Variants in RALGAPA2 observed in about 807,000 individuals in gnomAD.
RALGAPA2 encodes Ral GTPase activating protein catalytic subunit alpha 2.
A neutral mutation model predicts 230.4 loss-of-function variants in RALGAPA2; 139 were observed. The ratio of observed to expected loss-of-function variants is 0.60; its 90% CI spans 0.53 to 0.69. The LOEUF is 0.69. RALGAPA2 is among the 30% of genes least tolerant of loss of function. RALGAPA2 has a pLI of 0.00. For missense variants in RALGAPA2, 2,163 were observed against 2,276.0 expected (o/e 0.95, Z 1.01); for synonymous variants, 847 against 837.8 (o/e 1.01, Z -0.19).
intron 37 of RALGAPA2, among the ~76,000 whole-genome samples, chr20:20,429,404 C>T (rs1047701243): frequency 6.6e-6 from 1 of 152,128 alleles, no homozygotes; most frequent in African/African-American, 2.4e-5. Flanking sequence ...CCCCCAGAAC[C>T]AAGAGTAGCA....
At chr20:20,551,586 T>A (rs1485408192) in intron 23 of RALGAPA2, among the ~76,000 whole-genome samples, 1 of 152,214 alleles carries the variant, frequency 6.6e-6, no homozygotes, top group African/African-American at 2.4e-5. Flanking sequence ...AAAAATCAGG[T>A]AATTCAAATA....
At position 20,611,353 on chromosome 20, in the gene RALGAPA2, CCTT is replaced by C; in HGVS notation, c.1759_1761del (p.Lys587del). The C allele has an allele frequency of 6.2e-7, 1 of 1,613,364 alleles. No homozygotes were observed. ...CCTGCCAAGCTCTGGGCAAACAAGT[CCTT>C]TATTTGTTTATCCTTTGGCTTCTGC... On this transcript the variant is annotated inframe_deletion, in exon 14 of 40. Transcript: ENST00000202677.
intron 13 of RALGAPA2, among the ~76,000 whole-genome samples, chr20:20,615,361 C>T (rs935180277): frequency 6.6e-6 from 1 of 151,912 alleles, no homozygotes; most frequent in African/African-American, 2.4e-5. Flanking sequence ...GGGGTTTCAC[C>T]ATGTTAGGCA....
chr20:20,531,530 C>T (rs1441052432), intron 27 of RALGAPA2, among the ~76,000 whole-genome samples, 157 bp downstream of exon 27: 1 of 152,226 alleles, frequency 6.6e-6, no homozygotes, highest in Non-Finnish European at 1.5e-5. Flanking sequence ...GGGGAGCATC[C>T]GTTGGTGCCC....
intron 20 of RALGAPA2, among the ~76,000 whole-genome samples, chr20:20,580,050 G>A (rs922457463): frequency 6.6e-6 from 1 of 152,088 alleles, no homozygotes. Context: ...AGTGGCTTAT[G>A]ACTTATTCAT....
At chr20:20,619,517 T>C in intron 11 of RALGAPA2, 103 bp from the exon 12 acceptor site, 1 of 939,390 alleles carries the variant, frequency 1.1e-6, no homozygotes, top group Non-Finnish European at 1.4e-6. Context: ...AAGTTATATT[T>C]AGTTGGCATA....
At position 20,390,582 on chromosome 20, in the gene RALGAPA2, C is replaced by A. The variant is rs1196655873; in HGVS notation, c.*2707G>T. 6.6e-6 allele frequency: 1 copy of A among 152,042 alleles called. No homozygotes were observed. Among genetic ancestry groups the A allele is most frequent in the Non-Finnish European group, 1.5e-5 (1 of 68,032 alleles). 9.4% of individuals were successfully genotyped at this position (152,042 alleles called of 1,614,324 possible). ...CAGATGGCTGACCTACTGGTACCAC[C>A]GTGATGAGTCAGCGCTGTGCCTCAG... On this transcript the variant is annotated 3_prime_UTR_variant, in exon 40 of 40. Coordinates refer to ENST00000202677, the MANE Select transcript of RALGAPA2 (RefSeq NM_020343.4).
intron 36 of RALGAPA2, among the ~76,000 whole-genome samples, chr20:20,487,856 G>A (rs1465113162): frequency 6.6e-6 from 1 of 151,490 alleles, no homozygotes; most frequent in African/African-American, 2.4e-5. Flanking sequence ...AGGTTGCAGT[G>A]AGCTGAGATC....
At position 20,603,660 on chromosome 20, in the gene RALGAPA2, G is replaced by A. The variant is rs1011602601; in HGVS notation, c.2038+1515C>T. On this transcript the variant is annotated intron_variant, in intron 15 of 39. Transcript: ENST00000202677. The stretch of plus-strand genomic sequence containing the variant: ...GCCCCTGCTGACAGCCAGTCAACCC[G>A]TAAAAGTAGAGCTGCCTAGCTGACT... Among the ~76,000 whole-genome samples, 6 of 152,262 alleles carry A rather than the reference G, an allele frequency of 3.9e-5. 1 individual carries two copies. The highest frequency in any genetic ancestry group is 5.9e-5 in the Non-Finnish European group (4 of 68,016).
intron 35 of RALGAPA2, among the ~76,000 whole-genome samples, chr20:20,499,931 T>C (rs1352422526): frequency 2.0e-5 from 3 of 152,180 alleles, no homozygotes; most frequent in African/African-American, 7.2e-5. Flanking sequence ...AATACAGATA[T>C]TGCAATAAAG....
At chr20:20,569,275 G>T (rs1287421984) in intron 23 of RALGAPA2, among the ~76,000 whole-genome samples, 1 of 152,144 alleles carries the variant, frequency 6.6e-6, no homozygotes, top group East Asian at 1.9e-4. Context: ...AGTTTACTTA[G>T]AGTAATTCTG....
At chr20:20,535,697 T>C (rs1328816175) in intron 26 of RALGAPA2, 48 bp downstream of exon 26, 2 of 1,529,686 alleles carry the variant, frequency 1.3e-6, no homozygotes, top group South Asian at 2.5e-5. Flanking sequence ...TACACATAAA[T>C]GTGTATCTTA....
chr20:20,671,740 C>G (rs1271395463), intron 3 of RALGAPA2, among the ~76,000 whole-genome samples: 1 of 152,118 alleles, frequency 6.6e-6, no homozygotes, highest in Non-Finnish European at 1.5e-5. Flanking sequence ...TAACACCCTC[C>G]CTAGTCTAGA....
intron 23 of RALGAPA2, among the ~76,000 whole-genome samples, chr20:20,570,609 T>A (rs1358020778): frequency 6.6e-6 from 1 of 152,196 alleles, no homozygotes; most frequent in Non-Finnish European, 1.5e-5. Flanking sequence ...TTTCTTTCCA[T>A]CCCCAATGCT....
chr20:20,596,200 A>C (rs1160565030), intron 16 of RALGAPA2, among the ~76,000 whole-genome samples: 4 of 152,216 alleles, frequency 2.6e-5, no homozygotes, highest in Admixed American at 2.6e-4. Context: ...GCTGCCGCCA[A>C]ATACAGTCCC....
chr20:20,417,287 G>A (rs981483058), intron 37 of RALGAPA2, among the ~76,000 whole-genome samples: 1 of 152,200 alleles, frequency 6.6e-6, no homozygotes, highest in African/African-American at 2.4e-5. Context: ...CACCAACTGG[G>A]TGGCTTAAAA....
In RALGAPA2 at chr20:20,437,206, C is replaced by A. The variant is rs990841208; in HGVS notation, c.5496-25058G>T. Among the ~76,000 whole-genome samples, 1 of 152,192 alleles carries A rather than the reference C, an allele frequency of 6.6e-6. No homozygotes were observed. The highest frequency in any genetic ancestry group is 1.5e-5 in the Non-Finnish European group (1 of 68,024). ...TAAATGGGGAAATTAAGGAGACTGG[C>A]AACCACAAACCACTCTGAACGTCCT... On this transcript the variant is annotated intron_variant, in intron 37 of 39. Transcript: ENST00000202677. This position sits in a 1 kb window ranked among gnomAD's most constrained non-coding sequence, Gnocchi z 4.1.
In RALGAPA2 at chr20:20,571,959, G is replaced by C; in HGVS notation, c.2902-13C>G. The C allele has an allele frequency of 1.3e-6, 2 of 1,567,864 alleles. No individual in the cohort carries two copies. Among genetic ancestry groups the C allele is most frequent in the Non-Finnish European group, 1.7e-6 (2 of 1,144,610 alleles). ...GATTATCCCGTATCTAATTCACAAA[G>C]AGGAGAATTTTAGGGTAGGTAACAT... On this transcript the variant is annotated splice_polypyrimidine_tract_variant and intron_variant, in intron 21 of 39. Transcript: ENST00000202677.
At chr20:20,439,932 G>A (rs1459042566) in intron 37 of RALGAPA2, among the ~76,000 whole-genome samples, 1 of 152,174 alleles carries the variant, frequency 6.6e-6, no homozygotes, top group Non-Finnish European at 1.5e-5. Flanking sequence ...AAGCGATTTT[G>A]TTCTTGCTGT....
Sources: allele counts gnomAD v4.1 joint callset (sites outside exome capture counted in the v4.1 genomes callset), GRCh38; gene constraint gnomAD v4.1.1; non-coding constraint Gnocchi (gnomAD v3.1); transcripts MANE v1.5; gene names NCBI Gene and HGNC (gene_info 2026-07-23, HGNC 2026-07-21).